Variants in SLC25A16 observed in about 807,000 individuals in gnomAD.
The protein encoded by SLC25A16 is mitochondrial coenzyme A transporter SLC25A16.
A neutral mutation model predicts 41.5 loss-of-function variants in SLC25A16; 39 were observed. The observed-to-expected ratio is 0.94, with a 90% CI of 0.73 to 1.23. SLC25A16 has a LOEUF of 1.23. Ranked by LOEUF, SLC25A16 falls within the 50% of genes most tolerant of loss-of-function variation. The probability of loss-of-function intolerance (pLI) is 0.00; values close to 1 mark genes in which losing one functional copy is unlikely to be tolerated. For missense variants in SLC25A16, 421 were observed against 426.9 expected (o/e 0.99, Z 0.12); for synonymous variants, 146 against 147.8 (o/e 0.99, Z 0.09).
intron 1 of SLC25A16, among the ~76,000 whole-genome samples, chr10:68,522,837 AATT>A (rs1285890764): frequency 1.4e-4 from 21 of 147,628 alleles, no homozygotes; most frequent in African/African-American, 5.3e-4. Flanking sequence ...AAAAAAAAAA[AATT>A]AGCCAGAAGT....
At chr10:68,496,184 C>G (rs991807688) in intron 4 of SLC25A16, among the ~76,000 whole-genome samples, 2 of 152,194 alleles carry the variant, frequency 1.3e-5, no homozygotes, top group African/African-American at 4.8e-5. Flanking sequence ...AAAAGGGAAG[C>G]ACAATCAGAG....
chr10:68,522,862 C>G (rs1000100847), intron 1 of SLC25A16, among the ~76,000 whole-genome samples: 8 of 150,898 alleles, frequency 5.3e-5, no homozygotes, highest in Non-Finnish European at 1.0e-4. Flanking sequence ...GTGGCACCCA[C>G]CGGTAGTCCC....
intron 6 of SLC25A16, among the ~76,000 whole-genome samples, chr10:68,492,609 C>G (rs1452067484): frequency 6.6e-6 from 1 of 151,764 alleles, no homozygotes; most frequent in Non-Finnish European, 1.5e-5. Flanking sequence ...CTGAACCCAG[C>G]AGGTGGAGGT....
rs1554913194 is a variant in SLC25A16, at chr10:68,479,577, G to GGGT, written c.*3854_*3855insACC. ...TCCCAGCATTTTGGGAAGTCGGGGG[G>GGGT]GCAGATCACTTGAGGTCAGGTATTC... On this transcript the variant is annotated 3_prime_UTR_variant, in exon 9 of 9. Transcript: ENST00000609923. 3.9e-5 allele frequency: 6 copies of GGGT among 152,188 alleles called. No homozygotes were observed. The highest frequency in any genetic ancestry group is 1.4e-4 in the African/African-American group (6 of 41,406). The allele number at this position is 152,188 out of a possible 1,614,324, so 9.4% of individuals were successfully genotyped here.
chr10:68,479,411 A>G lies in SLC25A16; in HGVS notation c.*4021T>C, dbSNP rs1460841454. On this transcript the variant is annotated 3_prime_UTR_variant, in exon 9 of 9. Transcript: ENST00000609923. ...ATTTGGGAACCCAAATCAGATTGCA[A>G]GTACAGCTAACAAGCCTCCCAAGGG... 1 of 152,218 alleles carries G rather than the reference A, an allele frequency of 6.6e-6. No homozygotes were observed. Among genetic ancestry groups the G allele is most frequent in the Non-Finnish European group, 1.5e-5 (1 of 68,040 alleles). 9.4% of individuals were successfully genotyped at this position (152,218 alleles called of 1,614,324 possible).
At chr10:68,519,976 T>G (rs2053223446) in intron 1 of SLC25A16, among the ~76,000 whole-genome samples, 1 of 7,726 alleles carries the variant, frequency 1.3e-4, no homozygotes, top group Non-Finnish European at 2.2e-4. Context: ...TAATAGTATC[T>G]TTTTTTTTTT....
chr10:68,496,838 T>C (rs567393997), intron 4 of SLC25A16: 25 of 271,978 alleles, frequency 9.2e-5, no homozygotes, highest in Non-Finnish European at 1.3e-4. Flanking sequence ...TGAGATGGGG[T>C]CTCGCTCTGT....
chr10:68,487,851 T>C (rs2052590154), intron 7 of SLC25A16, among the ~76,000 whole-genome samples: 1 of 150,296 alleles, frequency 6.7e-6, no homozygotes, highest in Non-Finnish European at 1.5e-5. Context: ...AATATACAAA[T>C]GCAATCTCTC....
chr10:68,497,614 T>G (rs950917541), intron 4 of SLC25A16, among the ~76,000 whole-genome samples: 1 of 151,742 alleles, frequency 6.6e-6, no homozygotes, highest in Non-Finnish European at 1.5e-5. Flanking sequence ...TCTTTTTTTT[T>G]TTTTTAATTT....
At chr10:68,514,719 T>A (rs1359369674) in intron 2 of SLC25A16, among the ~76,000 whole-genome samples, 1 of 152,032 alleles carries the variant, frequency 6.6e-6, no homozygotes, top group Non-Finnish European at 1.5e-5. Flanking sequence ...AAATGGCTGG[T>A]CTGTAAGGAA....
chr10:68,517,258 CTCT>C, intron 1 of SLC25A16: 1 of 987,444 alleles, frequency 1.0e-6, no homozygotes, highest in South Asian at 4.7e-5. Flanking sequence ...AAGTAAACTC[CTCT>C]TCTTCTGGAT....
At chr10:68,485,230 C>A (rs1269860637) in intron 8 of SLC25A16, among the ~76,000 whole-genome samples, 1 of 151,950 alleles carries the variant, frequency 6.6e-6, no homozygotes, top group Non-Finnish European at 1.5e-5. Context: ...TCTGGGACTA[C>A]AGGCGCACAC....
intron 2 of SLC25A16, among the ~76,000 whole-genome samples, chr10:68,510,063 C>A (rs1446012770): frequency 6.6e-6 from 1 of 151,296 alleles, no homozygotes; most frequent in Non-Finnish European, 1.5e-5. Context: ...GGTAACAGAG[C>A]AAGACTCCAT....
At chr10:68,509,262 G>A (rs1268366354) in intron 2 of SLC25A16, among the ~76,000 whole-genome samples, 1 of 151,964 alleles carries the variant, frequency 6.6e-6, no homozygotes, top group Non-Finnish European at 1.5e-5. Flanking sequence ...GTTTGAACCC[G>A]GGAGGTGGAG....
chr10:68,487,269 T>C, intron 7 of SLC25A16, 57 bp from the exon 8 acceptor site: 1 of 1,190,062 alleles, frequency 8.4e-7, no homozygotes, highest in South Asian at 1.2e-5. Context: ...ACTCAACAAC[T>C]ATTGAATACA....
Position 68,487,229 on chromosome 10 carries a change from G to C in SLC25A16, c.774-17C>G, listed in dbSNP as rs1168808208. ...AATGGGTAGCTAAAAGAAGAAAAAG[G>C]CATAAAGAATTAAAAATTTTTGGTT... On this transcript the variant is annotated splice_polypyrimidine_tract_variant and intron_variant, in intron 7 of 8. Coordinates refer to ENST00000609923, the MANE Select transcript of SLC25A16 (RefSeq NM_152707.4). 2 of 1,609,334 alleles carry C rather than the reference G, an allele frequency of 1.2e-6. No individual in the cohort carries two copies. Among genetic ancestry groups the C allele is most frequent in the African/African-American group, 2.7e-5 (2 of 74,798 alleles).
At chr10:68,485,631 C>G (rs2052546657) in intron 8 of SLC25A16, among the ~76,000 whole-genome samples, 1 of 151,766 alleles carries the variant, frequency 6.6e-6, no homozygotes, top group Non-Finnish European at 1.5e-5. Context: ...GATCCACCCA[C>G]CTCTGCCTCC....
At chr10:68,493,051 A>G in intron 6 of SLC25A16, 81 bp downstream of exon 6, 1 of 786,460 alleles carries the variant, frequency 1.3e-6, no homozygotes, top group Non-Finnish European at 2.2e-6. Flanking sequence ...ACATCTTTTT[A>G]TATTACCATT....
At chr10:68,497,290 G>A (rs2052764491) in intron 4 of SLC25A16, among the ~76,000 whole-genome samples, 1 of 152,122 alleles carries the variant, frequency 6.6e-6, no homozygotes, top group African/African-American at 2.4e-5. Context: ...ACAAAAGAAG[G>A]ACTCCAAGCG....
Sources: gnomAD v4.1 joint callset for allele counts (sites outside exome capture counted in the v4.1 genomes callset) on GRCh38, gnomAD v4.1.1 for gene constraint, MANE v1.5 for transcripts, NCBI Gene and HGNC (gene_info 2026-07-23, HGNC 2026-07-21) for gene names.